The following MLPH variants were observed in gnomAD, a reference collection of about 807,000 sequenced individuals.
MLPH encodes melanophilin, also known as exophilin-3.
In MLPH, 51 loss-of-function variants were observed where a neutral mutation model predicts 72.1. That is an observed-to-expected ratio of 0.71 (90% confidence interval 0.56 to 0.89). The LOEUF (loss-of-function observed/expected upper bound fraction) is 0.89, where lower values mean the gene tolerates loss of function less well. Among genes scored for constraint, MLPH ranks in the 40% least tolerant of loss-of-function variants. The pLI, the probability that MLPH is intolerant of heterozygous loss-of-function variation, is 0.00. For synonymous variants in MLPH, 301 were observed against 310.1 expected (o/e 0.97, Z 0.31); for missense variants, 743 against 759.9 (o/e 0.98, Z 0.26).
chr2:237,552,270 C>A, intron 14 of MLPH, 67 bp from the exon 15 acceptor site: 1 of 1,367,140 alleles, frequency 7.3e-7, no homozygotes, highest in Non-Finnish European at 1.0e-6. Flanking sequence ...CTGAGGAGGC[C>A]AAGGCACTTG....
At chr2:237,538,509 G>A (rs564530895) in intron 9 of MLPH, among the ~76,000 whole-genome samples, 5 of 152,352 alleles carry the variant, frequency 3.3e-5, no homozygotes, top group South Asian at 2.1e-4. Flanking sequence ...AGCTGCCCTC[G>A]AAGAATCGGC....
At chr2:237,509,207 G>T (rs2079839570) in intron 2 of MLPH, among the ~76,000 whole-genome samples, 1 of 152,188 alleles carries the variant, frequency 6.6e-6, no homozygotes, top group Non-Finnish European at 1.5e-5. Flanking sequence ...GCACAGTACA[G>T]TTCTCCTTTC....
Position 237,511,086 on chromosome 2 carries a change from C to A in MLPH, c.430C>A (p.Arg144=). 1.2e-6 allele frequency: 2 copies of A among 1,613,548 alleles called. No homozygotes were observed. Among genetic ancestry groups the A allele is most frequent in the Non-Finnish European group, 1.7e-6 (2 of 1,179,694 alleles). Residue 144 remains arginine (R), a synonymous_variant, in exon 4 of 16, where the codon CGG becomes AGG. Transcript: ENST00000264605. ...SAKVIRSLHG[R]LQGGAGPELI... The stretch of plus-strand genomic sequence containing the variant: ...CAAGGTCATCCGGTCCCTCCACGGG[C>A]GGCTGCAGGGTGGAGGTAAGGAGTG...
At chr2:237,525,929 C>T (rs762466332) in intron 7 of MLPH, 124 bp downstream of exon 7, 18 of 969,028 alleles carry the variant, frequency 1.9e-5, no homozygotes, top group Non-Finnish European at 2.5e-5. Context: ...CTTCCTTTGG[C>T]GTGATTGTCC....
At chr2:237,511,193 CGT>C (rs1559345616) in intron 4 of MLPH, 92 bp downstream of exon 4, 25 of 949,224 alleles carry the variant, frequency 2.6e-5, no homozygotes, top group Middle Eastern at 2.4e-4. Flanking sequence ...TGTGTGTGTA[CGT>C]GTGTGTGTGC....
chr2:237,488,521 GC>G (rs1337305318), intron 1 of MLPH, among the ~76,000 whole-genome samples: 2 of 152,174 alleles, frequency 1.3e-5, no homozygotes, highest in Non-Finnish European at 1.5e-5. Context: ...CCTGGGCCCA[GC>G]CCCCTCCCTG....
intron 2 of MLPH, among the ~76,000 whole-genome samples, chr2:237,508,704 C>A (rs1474507425): frequency 1.3e-5 from 2 of 152,160 alleles, no homozygotes; most frequent in African/African-American, 4.8e-5. Flanking sequence ...AGAAATTGTG[C>A]CCATTTCCCC....
At chr2:237,545,196 T>C (rs1242937891) in intron 12 of MLPH, among the ~76,000 whole-genome samples, 1 of 21,552 alleles carries the variant, frequency 4.6e-5, no homozygotes, top group African/African-American at 3.0e-4. Context: ...GGCACAGTGG[T>C]GAGTGGGGAC....
rs1056946655 is a variant in MLPH, at chr2:237,540,369, A to C, written c.1126A>C (p.Thr376Pro). The C allele has an allele frequency of 1.2e-6, 2 of 1,613,558 alleles. No individual in the cohort carries two copies. The highest frequency in any genetic ancestry group is 1.7e-6 in the Non-Finnish European group (2 of 1,180,038). Reference sequence around the variant, plus strand: ...TCAGGGTCTAGGTGCTGGAGTGCGCACGGAGGCCGATGTAGAGGAGGAGGC... The same window carrying C: ...TCAGGGTCTAGGTGCTGGAGTGCGCCCGGAGGCCGATGTAGAGGAGGAGGC... ...LAKGLGAGVR[T>P]EADVEEEALR... The change falls in exon 10 of 16, where the codon ACG becomes CCG. Residue 376 changes from threonine (T) to proline (P), a missense_variant. Coordinates refer to ENST00000264605, the MANE Select transcript of MLPH (RefSeq NM_024101.7).
intron 9 of MLPH, among the ~76,000 whole-genome samples, chr2:237,539,709 T>C (rs756735213): frequency 7.2e-5 from 11 of 152,170 alleles, no homozygotes; most frequent in Non-Finnish European, 1.3e-4. Flanking sequence ...TTCTTATAAC[T>C]TGCAGGTTGG....
At chr2:237,540,745 G>A (rs937034059) in intron 10 of MLPH, 57 bp from the exon 11 acceptor site, 6 of 1,601,878 alleles carry the variant, frequency 3.7e-6, no homozygotes, top group Non-Finnish European at 3.4e-6. Context: ...TCCCCATCTG[G>A]GTGAAACCCC....
rs749218197 is a variant in MLPH at position 237,525,727 on chromosome 2, T to TCCAGACAC, written c.803_810dup (p.Gly271ProfsTer56). On this transcript the variant is annotated frameshift_variant, in exon 7 of 16. Coordinates refer to ENST00000264605, the MANE Select transcript of MLPH (RefSeq NM_024101.7). LOFTEE classifies it high-confidence loss of function. ...AGAGCAGCCGACCAGCATCTCACCT[T>TCCAGACAC]CCAGACACGGCGCCCTGGCTGAGCT... is the stretch of plus-strand genomic sequence containing the variant. 6.2e-7 allele frequency: 1 copy of TCCAGACAC among 1,614,044 alleles called. No individual in the cohort carries two copies. The highest frequency in any genetic ancestry group is 1.3e-5 in the African/African-American group (1 of 75,044).
chr2:237,522,013 T>TG (rs1466201039), intron 6 of MLPH, among the ~76,000 whole-genome samples: 6 of 73,310 alleles, frequency 8.2e-5, no homozygotes, highest in Non-Finnish European at 1.5e-4. Context: ...AGACTGGGGT[T>TG]GGACCTTCAA....
chr2:237,506,956 G>T (rs1392435541), intron 2 of MLPH, among the ~76,000 whole-genome samples: 1 of 151,986 alleles, frequency 6.6e-6, no homozygotes, highest in Non-Finnish European at 1.5e-5. Context: ...TTGAAAAAAG[G>T]AGTACTTGAA....
intron 1 of MLPH, among the ~76,000 whole-genome samples, chr2:237,490,665 C>G (rs1242034090): frequency 1.3e-5 from 2 of 152,130 alleles, no homozygotes; most frequent in Non-Finnish European, 2.9e-5. Context: ...GGTGAATGCT[C>G]TTCTTATGAT....
chr2:237,495,243 C>T (rs904123208), intron 2 of MLPH, among the ~76,000 whole-genome samples: 8 of 152,178 alleles, frequency 5.3e-5, no homozygotes, highest in South Asian at 4.1e-4. Flanking sequence ...AGGAACTGCC[C>T]GTATCATCCA....
chr2:237,535,503 T>A (rs2080512900), intron 9 of MLPH, among the ~76,000 whole-genome samples: 1 of 151,692 alleles, frequency 6.6e-6, no homozygotes, highest in Non-Finnish European at 1.5e-5. Context: ...TGTGTGTGTG[T>A]GTGCTTTTGT....
chr2:237,507,066 T>TC (rs1360986253), intron 2 of MLPH, among the ~76,000 whole-genome samples: 9 of 140,896 alleles, frequency 6.4e-5, no homozygotes, highest in African/African-American at 2.5e-4. Flanking sequence ...TTTTTTCTTT[T>TC]TTTTTTTTTT....
At chr2:237,529,412 A>C (rs78856668) in intron 8 of MLPH, among the ~76,000 whole-genome samples, 15,828 of 152,278 alleles carry the variant, frequency 0.1, 982 homozygotes, top group Non-Finnish European at 0.14. Flanking sequence ...AATTAGTAGA[A>C]TCACTCACAT....
Sources: gnomAD v4.1 joint callset for allele counts (sites outside exome capture counted in the v4.1 genomes callset) on GRCh38, gnomAD v4.1.1 for gene constraint, MANE v1.5 for transcripts, NCBI Gene and HGNC (gene_info 2026-07-23, HGNC 2026-07-21) for gene names.